PDZD2: variants seen among roughly 807,000 people sequenced by gnomAD.
The protein encoded by PDZD2 is PDZ domain-containing protein 2.
In PDZD2, 90 loss-of-function variants were observed where a neutral mutation model predicts 220.7. The observed-to-expected ratio is 0.41, with a 90% CI of 0.34 to 0.49. PDZD2 has a LOEUF of 0.49. Among genes scored for constraint, PDZD2 ranks in the 20% least tolerant of loss-of-function variants. The pLI, the probability that PDZD2 is intolerant of heterozygous loss-of-function variation, is 0.28. For missense variants in PDZD2, 3,174 were observed against 3,608.5 expected, an observed-to-expected ratio of 0.88 and a Z score of 3.08; for synonymous variants, 1,375 against 1,450.5, an observed-to-expected ratio of 0.95 and a Z score of 1.18.
At chr5:32,052,783 T>A in intron 9 of PDZD2, 53 bp downstream of exon 9, 5 of 1,569,698 alleles carry the variant, frequency 3.2e-6, no homozygotes, top group Non-Finnish European at 3.5e-6. Context: ...TTAGCACACA[T>A]TTTTTGTTTT....
chr5:31,778,451 C>T (rs764750774), intron 1 of PDZD2, among the ~76,000 whole-genome samples: 1 of 152,144 alleles, frequency 6.6e-6, no homozygotes, highest in Non-Finnish European at 1.5e-5. Flanking sequence ...AGCTTCACTC[C>T]TGAGGCCAGC....
At chr5:31,666,160 G>A (rs553222674) in intron 1 of PDZD2, among the ~76,000 whole-genome samples, 4 of 152,162 alleles carry the variant, frequency 2.6e-5, no homozygotes, top group Admixed American at 6.5e-5. Context: ...CATCGAGATC[G>A]AGGCAGGGCC....
intron 2 of PDZD2, among the ~76,000 whole-genome samples, chr5:31,957,348 G>C (rs1747803185): frequency 6.6e-6 from 1 of 152,186 alleles, no homozygotes. Context: ...ATTTAATCTA[G>C]CACAAGAGCC....
intron 2 of PDZD2, among the ~76,000 whole-genome samples, chr5:31,911,948 G>A (rs1374982660): frequency 3.3e-5 from 5 of 152,190 alleles, no homozygotes; most frequent in Admixed American, 6.5e-5. Context: ...CTGCAACTCT[G>A]GCTGCAATGG....
intron 3 of PDZD2, among the ~76,000 whole-genome samples, chr5:31,988,579 T>C (rs1750913187): frequency 6.6e-6 from 1 of 151,998 alleles, no homozygotes; most frequent in Non-Finnish European, 1.5e-5. Flanking sequence ...GCATGATCAT[T>C]TGTTAACTCA....
intron 2 of PDZD2, among the ~76,000 whole-genome samples, chr5:31,858,297 C>T (rs1758636929): frequency 6.6e-6 from 1 of 152,122 alleles, no homozygotes; most frequent in Non-Finnish European, 1.5e-5. Context: ...AAAATTCCTT[C>T]CTTCTCCTCT....
chr5:32,067,679 A>G (rs138298824), intron 14 of PDZD2, among the ~76,000 whole-genome samples: 1 of 152,226 alleles, frequency 6.6e-6, no homozygotes, highest in African/African-American at 2.4e-5. Context: ...AGTTTTAAAT[A>G]CTCCTACCTT....
At chr5:31,947,358 T>A (rs1746737205) in intron 2 of PDZD2, among the ~76,000 whole-genome samples, 1 of 152,220 alleles carries the variant, frequency 6.6e-6, no homozygotes, top group African/African-American at 2.4e-5. Context: ...TTCTCAGTTC[T>A]AGACTAAAAC....
chr5:32,087,692 G>T lies in PDZD2; in HGVS notation c.4244G>T (p.Cys1415Phe), dbSNP rs368527957. Residue 1415 changes from cysteine to phenylalanine, a missense_variant, in exon 20 of 25, where the codon TGC becomes TTC. Transcript: ENST00000438447. The surrounding 1 kb of genome is among the most constrained non-coding windows in gnomAD (Gnocchi z 4.0). ...EACGHVSGHC[C>F]PGGSRESPVT... ...TGTGGCCATGTCTCGGGGCACTGCTGCCCAGGGGGGAGTAGAGAGAGCCCT... is the reference window on the plus strand; with the variant it reads ...TGTGGCCATGTCTCGGGGCACTGCTTCCCAGGGGGGAGTAGAGAGAGCCCT... 2 of 1,613,968 alleles carry T rather than the reference G, an allele frequency of 1.2e-6. No individual in the cohort carries two copies. Among genetic ancestry groups the T allele is most frequent in the Non-Finnish European group, 1.7e-6 (2 of 1,179,970 alleles).
chr5:31,721,540 A>G (rs921580319), intron 1 of PDZD2, among the ~76,000 whole-genome samples: 2 of 147,776 alleles, frequency 1.4e-5, no homozygotes, highest in Non-Finnish European at 3.0e-5. Context: ...TTTTTTTTAG[A>G]AAAAGTATTA....
intron 1 of PDZD2, among the ~76,000 whole-genome samples, chr5:31,696,120 G>A (rs1378249837): frequency 6.6e-6 from 1 of 152,104 alleles, no homozygotes; most frequent in East Asian, 1.9e-4. Context: ...AGCATTGGTG[G>A]TGATGGGAAT....
chr5:32,088,433 C>G lies in PDZD2; in HGVS notation c.4985C>G (p.Ser1662Cys). 1 of 1,614,068 alleles carries G rather than the reference C, an allele frequency of 6.2e-7. No homozygotes were observed. The highest frequency in any genetic ancestry group is 8.5e-7 in the Non-Finnish European group (1 of 1,179,972). Residue 1662 changes from serine to cysteine, a missense_variant, in exon 20 of 25, where the codon TCT (serine) becomes TGT (cysteine). Around this residue, in one of 4 missense-constraint regions of PDZD2, gnomAD observed 1,861 missense variants for 2,001.0 expected, o/e 0.93. Coordinates refer to ENST00000438447, the MANE Select transcript of PDZD2 (RefSeq NM_178140.4). The surrounding 1 kb of genome is among the most constrained non-coding windows in gnomAD (Gnocchi z 4.6). The part of the protein sequence containing the change: ...LPGSYTSGPD[S>C]SQPSSLLEMS... ...GGCTCATACACTTCAGGCCCAGACT[C>G]TTCCCAGCCATCATCACTCTTGGAG... is the stretch of plus-strand genomic sequence containing the variant.
intron 1 of PDZD2, among the ~76,000 whole-genome samples, chr5:31,667,337 G>A (rs1385374690): frequency 2.0e-5 from 3 of 149,486 alleles, no homozygotes; most frequent in Non-Finnish European, 3.0e-5. Flanking sequence ...CACTCAAAAC[G>A]CCTAGCCTAC....
At chr5:31,874,579 G>A (rs1409654763) in intron 2 of PDZD2, among the ~76,000 whole-genome samples, 1 of 151,936 alleles carries the variant, frequency 6.6e-6, no homozygotes, top group African/African-American at 2.4e-5. Flanking sequence ...TGGCCAACAT[G>A]GTGAAACCCC....
rs530983645 is a variant in PDZD2 at position 32,054,076 on chromosome 5, G to A, written c.1900+193G>A. On this transcript the variant is annotated intron_variant, in intron 10 of 24. Transcript: ENST00000438447. Reference sequence around the variant, plus strand: ...ATATTAACACCTGCCTTGAAGAGTCGTTGTCAGGATTACATGAGATAATAT... The same window carrying A: ...ATATTAACACCTGCCTTGAAGAGTCATTGTCAGGATTACATGAGATAATAT... Among the ~76,000 whole-genome samples the A allele has an allele frequency of 4.6e-5, 7 of 152,228 alleles. No individual in the cohort carries two copies. The East Asian group carries it at 5.8e-4, about 13-fold the overall frequency.
At chr5:31,840,419 TATATATATATATATA>T in intron 2 of PDZD2, 1 of 120,864 alleles carries the variant, frequency 8.3e-6, no homozygotes, top group Non-Finnish European at 1.7e-5. Context: ...TATATATATA[TATATATATATATATA>T]TATATATATA....
At position 32,036,664 on chromosome 5, in the gene PDZD2, G is replaced by A. The variant is rs556257788; in HGVS notation, c.1408-567G>A. Among the ~76,000 whole-genome samples, 8 of 152,244 alleles carry A rather than the reference G, an allele frequency of 5.3e-5. No individual in the cohort carries two copies. The East Asian group carries it at 9.7e-4, about 18-fold the overall frequency. ...GGGGCTGAGCTTGATTCCAGGAGCC[G>A]TCTGATCAATACTCACTCCGGAGCA... On this transcript the variant is annotated intron_variant, in intron 6 of 24. Transcript: ENST00000438447.
At chr5:31,979,596 A>G (rs867540339) in intron 2 of PDZD2, among the ~76,000 whole-genome samples, 3,455 of 139,466 alleles carry the variant, frequency 0.025, 137 homozygotes, top group African/African-American at 0.086. Context: ...AAAAAAAAAA[A>G]ATCATTTTTT....
chr5:32,032,868 C>G (rs369381374), intron 6 of PDZD2, among the ~76,000 whole-genome samples: 2 of 152,174 alleles, frequency 1.3e-5, no homozygotes, highest in East Asian at 3.8e-4. Context: ...GCCGGATTCT[C>G]AACCACTCTG....
Sources: allele counts gnomAD v4.1 joint callset (sites outside exome capture counted in the v4.1 genomes callset), GRCh38; gene constraint gnomAD v4.1.1; regional missense constraint gnomAD v4.1.1; non-coding constraint Gnocchi (gnomAD v3.1); transcripts MANE v1.5; gene names NCBI Gene and HGNC (gene_info 2026-07-23, HGNC 2026-07-21).